The following KCTD8 variants were observed in gnomAD, a reference collection of about 807,000 sequenced individuals.
The protein encoded by KCTD8 is BTB/POZ domain-containing protein KCTD8.
KCTD8 carries 27 observed loss-of-function variants against 31.5 expected under a neutral mutation model. The observed-to-expected ratio is 0.86, with a 90% confidence interval of 0.63 to 1.18. The LOEUF (loss-of-function observed/expected upper bound fraction) is 1.18. KCTD8 is among the 50% of genes most tolerant of loss of function. KCTD8 has a pLI of 0.00. For missense variants in KCTD8, 658 were observed against 647.7 expected (o/e 1.02, Z -0.17); for synonymous variants, 290 against 280.0 (o/e 1.04, Z -0.36).
chr4:44,406,482 CA>C (rs1720799340), intron 1 of KCTD8, among the ~76,000 whole-genome samples: 1 of 152,058 alleles, frequency 6.6e-6, no homozygotes, highest in African/African-American at 2.4e-5. Flanking sequence ...ATGGTTTTAT[CA>C]GGGGTTTCCA....
In KCTD8 at chr4:44,317,228, CTTTTT is replaced by C. The variant is rs760060899; in HGVS notation, c.961+130330_961+130334del. Among the ~76,000 whole-genome samples, 309 of 36,540 alleles carry C rather than the reference CTTTTT, an allele frequency of 8.5e-3. 11 individuals are homozygous for C. The highest frequency in any genetic ancestry group is 0.018 in the African/African-American group (152 of 8,648). 24.0% of individuals were successfully genotyped at this position (36,540 alleles called of 152,430 possible). A position where few individuals can be genotyped will look rare whatever the true frequency, so the allele number is the denominator to read the frequency against. ...TTTATGTATTGCCTATGGGTGCTTTCTTTTTTTTTTTTTTTTTTTTTTGAGACGGA... is the reference window on the plus strand; with the variant it reads ...TTTATGTATTGCCTATGGGTGCTTTCTTTTTTTTTTTTTTTTTGAGACGGA... On this transcript the variant is annotated intron_variant, in intron 1 of 1. Coordinates refer to ENST00000360029, the MANE Select transcript of KCTD8 (RefSeq NM_198353.3).
At chr4:44,237,338 C>T (rs1377463628) in intron 1 of KCTD8, among the ~76,000 whole-genome samples, 4 of 152,128 alleles carry the variant, frequency 2.6e-5, no homozygotes, top group Admixed American at 2.6e-4. Context: ...CTCTCTCTTT[C>T]TTCCCATTTT....
intron 1 of KCTD8, among the ~76,000 whole-genome samples, chr4:44,398,530 T>C (rs1375548261): frequency 6.6e-6 from 1 of 152,188 alleles, no homozygotes; most frequent in Non-Finnish European, 1.5e-5. Context: ...GGACACACAG[T>C]TGATGAAGGG....
intron 1 of KCTD8, among the ~76,000 whole-genome samples, chr4:44,394,522 C>T (rs1489538159): frequency 6.6e-6 from 1 of 152,050 alleles, no homozygotes; most frequent in African/African-American, 2.4e-5. Flanking sequence ...TATTTAATGT[C>T]ATAAAAACTC....
intron 1 of KCTD8, among the ~76,000 whole-genome samples, chr4:44,269,055 G>A (rs1423864105): frequency 1.3e-5 from 2 of 152,032 alleles, no homozygotes; most frequent in Admixed American, 1.3e-4. Context: ...AAGTTCATAT[G>A]GAACCAAAAA....
At chr4:44,201,821 T>C (rs1021558867) in intron 1 of KCTD8, among the ~76,000 whole-genome samples, 5 of 152,236 alleles carry the variant, frequency 3.3e-5, no homozygotes, top group African/African-American at 7.2e-5. Context: ...AAAGATCTTT[T>C]GCACAGAAAA....
intron 1 of KCTD8, among the ~76,000 whole-genome samples, chr4:44,338,281 A>G (rs1718808008): frequency 6.6e-6 from 1 of 152,190 alleles, no homozygotes; most frequent in African/African-American, 2.4e-5. Flanking sequence ...TCAAATTAGC[A>G]TTAAAAATAG....
At chr4:44,268,268 T>A (rs989432873) in intron 1 of KCTD8, among the ~76,000 whole-genome samples, 1 of 151,692 alleles carries the variant, frequency 6.6e-6, no homozygotes, top group Non-Finnish European at 1.5e-5. Flanking sequence ...TAATCCAGCA[T>A]ATAAACAGAA....
chr4:44,236,841 G>A (rs907629396), intron 1 of KCTD8, among the ~76,000 whole-genome samples: 2 of 152,192 alleles, frequency 1.3e-5, no homozygotes, highest in Non-Finnish European at 2.9e-5. Flanking sequence ...GAACTGAATC[G>A]TGGGGGCAGT....
chr4:44,258,864 G>A (rs544447196), intron 1 of KCTD8, among the ~76,000 whole-genome samples: 1 of 151,870 alleles, frequency 6.6e-6, no homozygotes, highest in African/African-American at 2.4e-5. Flanking sequence ...GAGCTCTTGA[G>A]CAAGTTGCTT....
rs71188270 is a variant in KCTD8, at chr4:44,316,795, G to GAAAAAAAAAAAAAAA, written c.961+130753_961+130767dup. On this transcript the variant is annotated intron_variant, in intron 1 of 1. Coordinates refer to ENST00000360029, the MANE Select transcript of KCTD8 (RefSeq NM_198353.3). Reference sequence around the variant, plus strand: ...GAAACCCCATCTCTACTAAAAATACGAAAAAAAAAAAAAAAAAAAAAAAAA... The same window carrying GAAAAAAAAAAAAAAA: ...GAAACCCCATCTCTACTAAAAATACGAAAAAAAAAAAAAAAAAAAAAAAAAAAAAAAAAAAAAAAA... Among the ~76,000 whole-genome samples, 5 of 40,326 alleles carry GAAAAAAAAAAAAAAA rather than the reference G, an allele frequency of 1.2e-4. 1 individual carries two copies. Among genetic ancestry groups the GAAAAAAAAAAAAAAA allele is most frequent in the Non-Finnish European group, 3.3e-4 (5 of 15,354 alleles). The allele number at this position is 40,326 out of a possible 152,430, so 26.5% of individuals were successfully genotyped here. A position where few individuals can be genotyped will look rare whatever the true frequency, so the allele number is the denominator to read the frequency against.
At chr4:44,408,052 G>A (rs1720846344) in intron 1 of KCTD8, among the ~76,000 whole-genome samples, 1 of 152,108 alleles carries the variant, frequency 6.6e-6, no homozygotes, top group Non-Finnish European at 1.5e-5. Context: ...ATAGTAGATT[G>A]GGGAACTATA....
chr4:44,445,857 G>A (rs1721924010), intron 1 of KCTD8, among the ~76,000 whole-genome samples: 1 of 152,194 alleles, frequency 6.6e-6, no homozygotes. Context: ...GTTGACAAAG[G>A]TCACAATGAT....
intron 1 of KCTD8, among the ~76,000 whole-genome samples, chr4:44,317,520 T>C (rs1718172468): frequency 6.6e-6 from 1 of 151,814 alleles, no homozygotes; most frequent in East Asian, 1.9e-4. Flanking sequence ...ATTACAGGCG[T>C]GAGCCACCGC....
intron 1 of KCTD8, among the ~76,000 whole-genome samples, chr4:44,347,625 A>C (rs1166002220): frequency 6.6e-6 from 1 of 152,204 alleles, no homozygotes; most frequent in African/African-American, 2.4e-5. Flanking sequence ...AACCATTAAC[A>C]AGTAAGTAAT....
chr4:44,435,629 G>C (rs1347446972), intron 1 of KCTD8, among the ~76,000 whole-genome samples: 3 of 152,022 alleles, frequency 2.0e-5, no homozygotes, highest in Non-Finnish European at 2.9e-5. Flanking sequence ...CATAAGGGGA[G>C]TTATGCAACG....
chr4:44,370,938 T>C (rs1475963784), intron 1 of KCTD8, among the ~76,000 whole-genome samples: 1 of 151,974 alleles, frequency 6.6e-6, no homozygotes, highest in Non-Finnish European at 1.5e-5. Flanking sequence ...AAGAGATTTA[T>C]TGTGAAGAAT....
chr4:44,221,302 C>A (rs1248806312), intron 1 of KCTD8, among the ~76,000 whole-genome samples: 1 of 151,910 alleles, frequency 6.6e-6, no homozygotes, highest in Non-Finnish European at 1.5e-5. Context: ...CATTTTGCTT[C>A]TCCTTGTTTC....
intron 1 of KCTD8, among the ~76,000 whole-genome samples, chr4:44,262,127 T>C (rs999221016): frequency 7.2e-5 from 11 of 151,982 alleles, no homozygotes; most frequent in Admixed American, 2.0e-4. Flanking sequence ...TGTCAAACGG[T>C]TTCTCAAGAT....
Sources: gnomAD v4.1 joint callset for allele counts (sites outside exome capture counted in the v4.1 genomes callset) on GRCh38, gnomAD v4.1.1 for gene constraint, MANE v1.5 for transcripts, NCBI Gene and HGNC (gene_info 2026-07-23, HGNC 2026-07-21) for gene names.